KIF16B: variants seen among roughly 807,000 people sequenced by gnomAD.
The protein encoded by KIF16B is kinesin-like protein KIF16B.
Under a neutral mutation model 156.3 loss-of-function variants are expected in KIF16B, and 98 were observed. The ratio of observed to expected loss-of-function variants is 0.63; its 90% CI spans 0.53 to 0.74. KIF16B has a LOEUF of 0.74. Ranked by LOEUF, KIF16B falls within the 30% of genes least tolerant of loss-of-function variation. KIF16B has a pLI of 0.00. For missense variants in KIF16B, 1,421 were observed against 1,606.5 expected, an observed-to-expected ratio of 0.88 and a Z score of 1.97; for synonymous variants, 564 against 583.7, an observed-to-expected ratio of 0.97 and a Z score of 0.49.
intron 12 of KIF16B, among the ~76,000 whole-genome samples, chr20:16,451,306 C>T (rs550720082): frequency 3.2e-4 from 49 of 151,992 alleles, no homozygotes; most frequent in Non-Finnish European, 6.0e-4. Context: ...CATAAAAACA[C>T]ATTTCATAGA....
chr20:16,500,132 T>C (rs1224523267), intron 10 of KIF16B, among the ~76,000 whole-genome samples: 1 of 152,228 alleles, frequency 6.6e-6, no homozygotes, highest in East Asian at 1.9e-4. Flanking sequence ...TGAGGTATCA[T>C]CTACATGCAG....
At position 16,379,904 on chromosome 20, in the gene KIF16B, C is replaced by A. The variant is rs2065051512; in HGVS notation, c.2098G>T (p.Glu700Ter). 2 of 1,614,058 alleles carry A rather than the reference C, an allele frequency of 1.2e-6. No homozygotes were observed. The highest frequency in any genetic ancestry group is 2.2e-5 in the South Asian group (2 of 91,090). Residue 700 changes from glutamate (E) to a stop codon, truncating the protein, a stop_gained, in exon 19 of 26, where the codon GAG (glutamate) becomes TAG (stop). Coordinates refer to ENST00000354981, the MANE Select transcript of KIF16B (RefSeq NM_024704.5). LOFTEE classifies it high-confidence loss of function. ...TCTTCTTGGACGCGGAGAAAGGTCT[C>A]TTCTTCTTGTCTCTTCTTCTGCAGC... ...IELQKKRQEE[E>*]TFLRVQEELQ...
intron 5 of KIF16B, 85 bp downstream of exon 5, chr20:16,512,741 T>C (rs1202480968): frequency 1.2e-6 from 1 of 844,818 alleles, no homozygotes; most frequent in African/African-American, 1.7e-5. Context: ...CTAAAGACCT[T>C]ATCCATTTCC....
At chr20:16,401,884 A>G (rs2065665284) in intron 17 of KIF16B, among the ~76,000 whole-genome samples, 1 of 152,204 alleles carries the variant, frequency 6.6e-6, no homozygotes, top group South Asian at 2.1e-4. Context: ...TCTATGCCAC[A>G]TTCTCCAAAT....
chr20:16,335,906 A>T lies in KIF16B; in HGVS notation c.3711+20T>A. The stretch of plus-strand genomic sequence containing the variant: ...ATAAAATGAATGCTCTTAATCGGAG[A>T]TAATAATTTCATAACTTACCTCTGC... On this transcript the variant is annotated intron_variant, in intron 24 of 25. Transcript: ENST00000354981. The T allele has an allele frequency of 1.4e-6, 2 of 1,418,384 alleles. No individual in the cohort carries two copies. Among genetic ancestry groups the T allele is most frequent in the Non-Finnish European group, 2.0e-6 (2 of 1,010,492 alleles). 87.9% of individuals were successfully genotyped at this position (1,418,384 alleles called of 1,614,324 possible).
intron 15 of KIF16B, among the ~76,000 whole-genome samples, chr20:16,407,624 A>G (rs935598968): frequency 4.6e-5 from 7 of 152,240 alleles, no homozygotes; most frequent in African/African-American, 1.4e-4. Context: ...ATGGCCTGCT[A>G]TGCTCAGGAC....
At chr20:16,416,470 C>T (rs2066089371) in intron 15 of KIF16B, among the ~76,000 whole-genome samples, 1 of 152,076 alleles carries the variant, frequency 6.6e-6, no homozygotes, top group African/African-American at 2.4e-5. Flanking sequence ...CAAACTAACA[C>T]AGGAACAGAA....
rs181564843 is a variant in KIF16B at position 16,412,326 on chromosome 20, G to A, written c.1613-5870C>T. 8.5e-5 allele frequency among the ~76,000 whole-genome samples: 13 copies of A among 152,174 alleles called. No homozygotes were observed. The East Asian group carries it at 2.5e-3, about 30-fold the overall frequency. ...GGCCAGAAGGAAGAGACTGAGGAAT[G>A]CAGAAGAGGTAAGGAAATGCAGATG... On this transcript the variant is annotated intron_variant, in intron 15 of 25. Transcript: ENST00000354981.
chr20:16,317,335 T>C (rs1601556319), intron 24 of KIF16B, among the ~76,000 whole-genome samples: 1 of 152,328 alleles, frequency 6.6e-6, no homozygotes, highest in African/African-American at 2.4e-5. Flanking sequence ...AAATTAAAGT[T>C]CCTGAAGTTC....
chr20:16,381,460 C>T (rs905426244), intron 18 of KIF16B, among the ~76,000 whole-genome samples: 11 of 151,410 alleles, frequency 7.3e-5, no homozygotes, highest in Non-Finnish European at 1.2e-4. Context: ...ACTCTATTTC[C>T]CATTTCTCAT....
At position 16,504,508 on chromosome 20, in the gene KIF16B, C is replaced by A; in HGVS notation, c.1040G>T (p.Ser347Ile). The A allele has an allele frequency of 6.2e-7, 1 of 1,613,938 alleles. No individual in the cohort carries two copies. Among genetic ancestry groups the A allele is most frequent in the Non-Finnish European group, 8.5e-7 (1 of 1,179,934 alleles). The change falls in exon 10 of 26, where the codon AGT becomes ATT. Residue 347 changes from serine (S) to isoleucine (I), a missense_variant. By Grantham distance (142) the Ser-to-Ile change is moderately radical. Coordinates refer to ENST00000354981, the MANE Select transcript of KIF16B (RefSeq NM_024704.5). ...GGCTCTATTTGCATAGCGAAGAGTA[C>A]TTAGGGTTTCTCCATAATTGACATC... ...PADVNYGETL[S>I]TLRYANRAKN...
intron 12 of KIF16B, among the ~76,000 whole-genome samples, chr20:16,439,385 C>T (rs559619960): frequency 3.9e-5 from 6 of 152,242 alleles, no homozygotes; most frequent in East Asian, 1.9e-4. Context: ...GTTTCCCACA[C>T]GTTTGGAATA....
At chr20:16,388,059 T>G (rs965668413) in intron 17 of KIF16B, among the ~76,000 whole-genome samples, 2 of 152,208 alleles carry the variant, frequency 1.3e-5, no homozygotes, top group African/African-American at 4.8e-5. Flanking sequence ...GTAGAAACTT[T>G]GGTTGTTTTC....
chr20:16,464,574 C>G (rs2067434448), intron 12 of KIF16B, among the ~76,000 whole-genome samples: 1 of 152,142 alleles, frequency 6.6e-6, no homozygotes, highest in African/African-American at 2.4e-5. Flanking sequence ...TGACAAAACA[C>G]AGATACCAAC....
intron 1 of KIF16B, among the ~76,000 whole-genome samples, chr20:16,538,700 A>T (rs964443960): frequency 7.3e-5 from 11 of 151,632 alleles, no homozygotes; most frequent in South Asian, 2.2e-4. Flanking sequence ...ATTTATTTTT[A>T]AAAAAATCCT....
intron 22 of KIF16B, chr20:16,368,995 G>C: frequency 1.0e-6 from 1 of 985,800 alleles, no homozygotes; most frequent in Non-Finnish European, 1.2e-6. Context: ...AAAACATTTT[G>C]GTTCAAAATG....
intron 23 of KIF16B, among the ~76,000 whole-genome samples, chr20:16,337,554 T>C (rs1239686383): frequency 6.6e-6 from 1 of 151,668 alleles, no homozygotes. Flanking sequence ...CAAAAGTGAA[T>C]GTATTTACAG....
chr20:16,508,260 G>T (rs1484707992), intron 6 of KIF16B, among the ~76,000 whole-genome samples, 160 bp from the exon 7 acceptor site: 1 of 152,184 alleles, frequency 6.6e-6, no homozygotes, highest in African/African-American at 2.4e-5. Flanking sequence ...GCAGACCTGG[G>T]AGCTGGGTGG....
rs202192407 is a variant in KIF16B at position 16,380,081 on chromosome 20, G to T, written c.1921C>A (p.Arg641Ser). 62 of 1,541,536 alleles carry T rather than the reference G, an allele frequency of 4.0e-5. No individual in the cohort carries two copies. Among genetic ancestry groups the T allele is most frequent in the Non-Finnish European group, 5.1e-5 (59 of 1,149,430 alleles). Residue 641 changes from arginine (R) to serine (S), a missense_variant, in exon 19 of 26, where the codon CGC becomes AGC. Coordinates refer to ENST00000354981, the MANE Select transcript of KIF16B (RefSeq NM_024704.5). ...ERMQQEVETQ[R>S]KETEIVQLQI... ...AGCTGCACGATTTCTGTCTCCTTGC[G>T]CTGGGTCTCCACCTCCTGCTGCATC...
Sources: allele counts gnomAD v4.1 joint callset (sites outside exome capture counted in the v4.1 genomes callset), GRCh38; gene constraint gnomAD v4.1.1; transcripts MANE v1.5; gene names NCBI Gene and HGNC (gene_info 2026-07-23, HGNC 2026-07-21).